The following SDK1 variants were observed in gnomAD, a reference collection of about 807,000 sequenced individuals.
SDK1 encodes sidekick cell adhesion molecule 1, also known as protein sidekick-1.
In SDK1, 157 loss-of-function variants were observed where a neutral mutation model predicts 245.5. That is an observed-to-expected ratio of 0.64 (90% CI 0.56 to 0.73). The LOEUF is 0.73. SDK1 is among the 30% of genes least tolerant of loss of function. The probability of loss-of-function intolerance (pLI) is 0.00; values close to 1 mark genes in which losing one functional copy is unlikely to be tolerated. For synonymous variants in SDK1, 1,647 were observed against 1,278.5 expected (o/e 1.29, Z -6.15); for missense variants, 3,583 against 3,002.3 (o/e 1.19, Z -4.52).
chr7:3,538,528 A>G (rs1490792765), intron 1 of SDK1, among the ~76,000 whole-genome samples: 2 of 152,212 alleles, frequency 1.3e-5, no homozygotes, highest in Non-Finnish European at 2.9e-5. Context: ...CCCTGTCAGC[A>G]AATTATCCTT....
intron 14 of SDK1, among the ~76,000 whole-genome samples, chr7:4,007,429 C>G (rs990428863): frequency 6.6e-6 from 1 of 152,088 alleles, no homozygotes; most frequent in Non-Finnish European, 1.5e-5. Flanking sequence ...CTACAGGAAG[C>G]CTCGGGGCAG....
intron 1 of SDK1, among the ~76,000 whole-genome samples, chr7:3,593,864 C>G (rs1160703177): frequency 6.6e-6 from 1 of 152,186 alleles, no homozygotes; most frequent in East Asian, 1.9e-4. Context: ...TGCCCGTTTT[C>G]TCATTTGTAA....
intron 1 of SDK1, among the ~76,000 whole-genome samples, chr7:3,453,850 T>A (rs1363342169): frequency 6.6e-6 from 1 of 152,192 alleles, no homozygotes; most frequent in Non-Finnish European, 1.5e-5. Flanking sequence ...GTGATCCTCC[T>A]GCCTTGGCAG....
chr7:3,330,831 A>C (rs1264503971), intron 1 of SDK1, among the ~76,000 whole-genome samples: 5 of 116,776 alleles, frequency 4.3e-5, no homozygotes, highest in Non-Finnish European at 9.1e-5. Context: ...AAAAAAAACC[A>C]GGTGTGGTGG....
intron 4 of SDK1, among the ~76,000 whole-genome samples, chr7:3,778,965 A>C (rs1780643358): frequency 6.6e-6 from 1 of 152,248 alleles, no homozygotes; most frequent in Non-Finnish European, 1.5e-5. Context: ...CTTGACACTT[A>C]ATAGGATTTG....
chr7:3,987,271 T>C lies in SDK1; in HGVS notation c.2080T>C (p.Phe694Leu). The C allele has an allele frequency of 6.2e-7, 1 of 1,614,152 alleles. No individual in the cohort carries two copies. Among genetic ancestry groups the C allele is most frequent in the Non-Finnish European group, 8.5e-7 (1 of 1,179,992 alleles). ...HAVVLSWVRP[F>L]DGNSPILYYI... Reference sequence around the variant, plus strand: ...CGTGGTGCTCTCTTGGGTCCGGCCCTTTGATGGAAACAGTCCTATTCTTTA... The same window carrying C: ...CGTGGTGCTCTCTTGGGTCCGGCCCCTTGATGGAAACAGTCCTATTCTTTA... The change falls in exon 14 of 45, where the codon TTT becomes CTT. Residue 694 changes from phenylalanine (F) to leucine (L), a missense_variant. By Grantham distance (22) the Phe-to-Leu change is conservative. Transcript: ENST00000404826.
chr7:3,479,383 C>T (rs929993793), intron 1 of SDK1, among the ~76,000 whole-genome samples: 7 of 132,502 alleles, frequency 5.3e-5, no homozygotes, highest in African/African-American at 2.1e-4. Flanking sequence ...TATTGTGCCA[C>T]TGCACTCCAG....
At chr7:3,419,387 C>G (rs558750009) in intron 1 of SDK1, among the ~76,000 whole-genome samples, 3 of 152,206 alleles carry the variant, frequency 2.0e-5, no homozygotes, top group South Asian at 4.2e-4. Flanking sequence ...TGTGCCTCTG[C>G]CCTTTTGCTC....
At chr7:3,825,183 G>C (rs1192204218) in intron 5 of SDK1, among the ~76,000 whole-genome samples, 4 of 152,094 alleles carry the variant, frequency 2.6e-5, no homozygotes, top group Admixed American at 6.6e-5. Flanking sequence ...TGTGTCTTCC[G>C]AGGTCAGACC....
At chr7:3,607,716 A>G (rs1181145359) in intron 1 of SDK1, among the ~76,000 whole-genome samples, 2 of 152,260 alleles carry the variant, frequency 1.3e-5, no homozygotes, top group African/African-American at 2.4e-5. Flanking sequence ...TTAGAAAGCC[A>G]AAAGTAAATG....
chr7:3,985,524 T>C (rs1273082958), intron 13 of SDK1, among the ~76,000 whole-genome samples: 2 of 152,170 alleles, frequency 1.3e-5, no homozygotes, highest in African/African-American at 4.8e-5. Context: ...CAGTGGCTCA[T>C]GCTTATAATC....
At position 4,144,002 on chromosome 7, in the gene SDK1, C is replaced by G. The variant is rs565541006; in HGVS notation, c.4229-1720C>G. On this transcript the variant is annotated intron_variant, in intron 28 of 44. Coordinates refer to ENST00000404826, the MANE Select transcript of SDK1 (RefSeq NM_152744.4). ...GGGGCGGCCAGGAGCCCCGAAGCCTCAGACTGAGCTTCCATTGTGTGTGCA... is the reference window on the plus strand; with the variant it reads ...GGGGCGGCCAGGAGCCCCGAAGCCTGAGACTGAGCTTCCATTGTGTGTGCA... 6.8e-4 allele frequency among the ~76,000 whole-genome samples: 104 copies of G among 152,286 alleles called. 4 individuals are homozygous for G. The East Asian group carries it at 0.019, about 28-fold the overall frequency.
In SDK1 at chr7:4,113,392, G is replaced by A. The variant is rs757729076; in HGVS notation, c.3538G>A (p.Val1180Ile). Residue 1180 changes from valine to isoleucine, a missense_variant, in exon 24 of 45, where the codon GTC becomes ATC. Transcript: ENST00000404826. Reference protein sequence around the residue: ...QAPPDVAPTSVTVRTASETSL... With the variant: ...QAPPDVAPTSITVRTASETSL... ...CCCACCCGACGTGGCTCCAACCAGC[G>A]TCACGGTCCGTACTGCCAGTGAGAC... 23 of 1,613,750 alleles carry A rather than the reference G, an allele frequency of 1.4e-5. No homozygotes were observed. The highest frequency in any genetic ancestry group is 1.3e-4 in the East Asian group (6 of 44,890).
In SDK1 at chr7:3,801,450, G is replaced by A. The variant is rs115000496; in HGVS notation, c.714-20000G>A. ...AAAAATTCACTAACTGACCTCAGCTGTGCATTCTGAGTTCTTACGGCTACA... is the reference window on the plus strand; with the variant it reads ...AAAAATTCACTAACTGACCTCAGCTATGCATTCTGAGTTCTTACGGCTACA... On this transcript the variant is annotated intron_variant, in intron 4 of 44. Coordinates refer to ENST00000404826, the MANE Select transcript of SDK1 (RefSeq NM_152744.4). 5.1e-3 allele frequency among the ~76,000 whole-genome samples: 783 copies of A among 152,236 alleles called. 9 individuals are homozygous for A. Among genetic ancestry groups the A allele is most frequent in the Middle Eastern group, 0.02 (6 of 294 alleles).
chr7:4,161,003 T>G (rs569016697), intron 31 of SDK1, among the ~76,000 whole-genome samples: 2 of 152,282 alleles, frequency 1.3e-5, no homozygotes, highest in South Asian at 4.1e-4. Context: ...TCAGTGAATA[T>G]GGACTGGATA....
intron 5 of SDK1, among the ~76,000 whole-genome samples, chr7:3,877,075 G>A (rs924991280): frequency 6.6e-6 from 1 of 152,202 alleles, no homozygotes; most frequent in Non-Finnish European, 1.5e-5. Context: ...AAAGGTCACA[G>A]TTAAAAGCTC....
chr7:3,723,839 T>A (rs1019317291), intron 4 of SDK1, among the ~76,000 whole-genome samples: 1 of 147,532 alleles, frequency 6.8e-6, no homozygotes, highest in African/African-American at 2.6e-5. Flanking sequence ...TACACGTGTA[T>A]ATACACGTAC....
intron 28 of SDK1, among the ~76,000 whole-genome samples, chr7:4,141,057 C>T (rs1209125277): frequency 1.3e-5 from 2 of 152,214 alleles, no homozygotes; most frequent in African/African-American, 2.4e-5. Context: ...GCTGTCTAGT[C>T]AGGAGCTTCT....
intron 14 of SDK1, among the ~76,000 whole-genome samples, chr7:3,993,259 G>T (rs929924300): frequency 6.6e-6 from 1 of 152,206 alleles, no homozygotes; most frequent in Non-Finnish European, 1.5e-5. Flanking sequence ...GAGCCTCTGC[G>T]TGTTTTCCTT....
Sources: allele counts gnomAD v4.1 joint callset (sites outside exome capture counted in the v4.1 genomes callset), GRCh38; gene constraint gnomAD v4.1.1; transcripts MANE v1.5; gene names NCBI Gene and HGNC (gene_info 2026-07-23, HGNC 2026-07-21).